Variants in TMC3 observed in about 807,000 individuals in gnomAD.
TMC3 encodes transmembrane channel like 3, also known as transmembrane channel-like protein 3.
Under a neutral mutation model 110.6 loss-of-function variants are expected in TMC3, and 98 were observed. That is an observed-to-expected ratio of 0.89 (90% confidence interval 0.75 to 1.05). The LOEUF is 1.05. TMC3 is among the 50% of genes least tolerant of loss of function. The probability of loss-of-function intolerance (pLI) is 0.00; values close to 1 mark genes in which losing one functional copy is unlikely to be tolerated. For synonymous variants in TMC3, 489 were observed against 513.1 expected, an observed-to-expected ratio of 0.95 and a Z score of 0.63; for missense variants, 1,319 against 1,373.2, an observed-to-expected ratio of 0.96 and a Z score of 0.62.
rs1313052452 is a variant in TMC3, at chr15:81,368,137, G to A, written c.312+116C>T. The A allele has an allele frequency of 4.1e-6, 3 of 726,610 alleles. No individual in the cohort carries two copies. The East Asian group carries it at 8.6e-5, about 21-fold the overall frequency. The allele number at this position is 726,610 out of a possible 1,614,324, so 45.0% of individuals were successfully genotyped here. A position where few individuals can be genotyped will look rare whatever the true frequency, so the allele number is the denominator to read the frequency against. ...TTTAGTAGAGATGGGGTTTCACCGT[G>A]TTAGCCAGGATGGTCTTGATCTTCT... On this transcript the variant is annotated intron_variant, in intron 3 of 21. Transcript: ENST00000359440.
chr15:81,365,976 TATAC>T (rs1019908750), intron 3 of TMC3, among the ~76,000 whole-genome samples: 11 of 152,330 alleles, frequency 7.2e-5, no homozygotes, highest in South Asian at 2.1e-4. Flanking sequence ...CACATATCAT[TATAC>T]ATACATATGT....
chr15:81,341,821 C>G, intron 15 of TMC3: 1 of 194,706 alleles, frequency 5.1e-6, no homozygotes, highest in South Asian at 1.2e-4. Context: ...TAATGGATAA[C>G]TACTATTTGG....
intron 7 of TMC3, among the ~76,000 whole-genome samples, 168 bp downstream of exon 7, chr15:81,357,981 G>T (rs1302811399): frequency 6.6e-6 from 1 of 152,020 alleles, no homozygotes; most frequent in African/African-American, 2.4e-5. Flanking sequence ...AACTTTACAG[G>T]GCTATTGACA....
chr15:81,345,012 C>T lies in TMC3; in HGVS notation c.1273-1G>A. The T allele has an allele frequency of 1.3e-6, 2 of 1,564,452 alleles. No homozygotes were observed. The highest frequency in any genetic ancestry group is 8.7e-7 in the Non-Finnish European group (1 of 1,153,850). On this transcript the variant is annotated splice_acceptor_variant, in intron 12 of 21. Transcript: ENST00000359440. LOFTEE classifies it high-confidence loss of function. ...TTGTGTTATTTTTGGTAGCCATTTC[C>T]TGGGGAGAGAGAGAGAGAGAGAGAG... is the stretch of plus-strand genomic sequence containing the variant.
chr15:81,336,798 T>C (rs1031311989), intron 19 of TMC3, 147 bp from the exon 20 acceptor site: 2 of 805,828 alleles, frequency 2.5e-6, no homozygotes, highest in African/African-American at 3.4e-5. Flanking sequence ...ATGGACGGTA[T>C]GCTCTGGGCT....
chr15:81,341,189 A>ATT lies in TMC3; in HGVS notation c.1844+200_1844+201insAA, dbSNP rs1448519852. ...GGCAAAACGTTTTAAAAGTGTCATG[A>ATT]GTTCAAGAGGAGTAATGATTCATTG... On this transcript the variant is annotated intron_variant, in intron 16 of 21. Coordinates refer to ENST00000359440, the MANE Select transcript of TMC3 (RefSeq NM_001080532.3). 5.3e-5 allele frequency among the ~76,000 whole-genome samples: 8 copies of ATT among 152,362 alleles called. No homozygotes were observed. In the East Asian group the frequency reaches 1.5e-3, roughly 29 times the overall value.
chr15:81,355,278 C>G (rs1419984969), intron 9 of TMC3, among the ~76,000 whole-genome samples: 1 of 152,162 alleles, frequency 6.6e-6, no homozygotes, highest in Non-Finnish European at 1.5e-5. Context: ...TTCATTAGTT[C>G]TCTGTTTGAA....
rs200306951 is a variant in TMC3, at chr15:81,334,795, G to A, written c.2384C>T (p.Pro795Leu). 836 of 1,613,980 alleles carry A rather than the reference G, an allele frequency of 5.2e-4. 1 individual carries two copies. The highest frequency in any genetic ancestry group is 5.5e-4 in the Non-Finnish European group (644 of 1,179,878). ...GCTAGGAGCCCTGTCCCCTGGCCTC[G>A]GGCTCTGGGGCATGGACTGTGCGAC... Reference protein sequence around the residue: ...ETVAQSMPQSPRPGDRAPSSP... With the variant: ...ETVAQSMPQSLRPGDRAPSSP... Residue 795 changes from proline to leucine, a missense_variant, in exon 21 of 22, where the codon CCG (proline) becomes CTG (leucine). By Grantham distance (98) the Pro-to-Leu change is moderately conservative. Coordinates refer to ENST00000359440, the MANE Select transcript of TMC3 (RefSeq NM_001080532.3).
intron 21 of TMC3, 89 bp from the exon 22 acceptor site, chr15:81,333,351 G>T: frequency 6.6e-7 from 1 of 1,507,258 alleles, no homozygotes; most frequent in South Asian, 1.3e-5. Flanking sequence ...AGTTCTCTGA[G>T]CATTTTCACT....
rs143923036 is a variant in TMC3 at position 81,336,484 on chromosome 15, C to T, written c.2203+125G>A. ...TCAGGAGGCTGAGGCAGGAGAATCACTTGAACCGGGAAGGTGGAGGTTGCA... is the reference window on the plus strand; with the variant it reads ...TCAGGAGGCTGAGGCAGGAGAATCATTTGAACCGGGAAGGTGGAGGTTGCA... On this transcript the variant is annotated intron_variant, in intron 20 of 21. Coordinates refer to ENST00000359440, the MANE Select transcript of TMC3 (RefSeq NM_001080532.3). 1,748 of 864,754 alleles carry T rather than the reference C, an allele frequency of 2.0e-3. 29 individuals carry two copies. The African/African-American group carries it at 0.025, about 13-fold the overall frequency. The allele number at this position is 864,754 out of a possible 1,614,324, so 53.6% of individuals were successfully genotyped here.
intron 18 of TMC3, among the ~76,000 whole-genome samples, chr15:81,338,391 G>T (rs1041232167): frequency 1.3e-4 from 20 of 152,120 alleles, no homozygotes; most frequent in African/African-American, 4.8e-4. Flanking sequence ...TTGACCAAAT[G>T]GTGTTGATGG....
chr15:81,337,799 A>G (rs565430245), intron 19 of TMC3, 47 bp downstream of exon 19: 3 of 1,494,592 alleles, frequency 2.0e-6, no homozygotes, highest in Admixed American at 1.7e-5. Context: ...GATCTCAGTC[A>G]TGTGGTTGAC....
intron 3 of TMC3, among the ~76,000 whole-genome samples, chr15:81,364,732 T>C (rs974892879): frequency 1.4e-5 from 2 of 144,804 alleles, no homozygotes; most frequent in African/African-American, 5.1e-5. Flanking sequence ...AAAACTGTAA[T>C]AAAAAAAAAA....
In TMC3 at chr15:81,349,490, G is replaced by A. The variant is rs1309164654; in HGVS notation, c.1161C>T (p.His387=). 6.4e-7 allele frequency: 1 copy of A among 1,555,780 alleles called. No homozygotes were observed. Among genetic ancestry groups the A allele is most frequent in the Non-Finnish European group, 8.7e-7 (1 of 1,150,154 alleles). Residue 387 remains histidine (H), a synonymous_variant, in exon 11 of 22, where the codon CAC becomes CAT. Transcript: ENST00000359440. ...GCTGGAAGCGCAGCGTGGTCCTGGG[G>A]TGGTACATCTCTAAGGCAGCAATGA... ...FDLIAALEMY[H]PRTTLRFQLA...
In TMC3 at chr15:81,332,041, T is replaced by C; in HGVS notation, c.*378A>G. 5.5e-6 allele frequency: 1 copy of C among 181,854 alleles called. No homozygotes were observed. The highest frequency in any genetic ancestry group is 1.5e-4 in the South Asian group (1 of 6,460). 11.3% of individuals were successfully genotyped at this position (181,854 alleles called of 1,614,324 possible). A position where few individuals can be genotyped will look rare whatever the true frequency, so the allele number is the denominator to read the frequency against. On this transcript the variant is annotated 3_prime_UTR_variant, in exon 22 of 22. Transcript: ENST00000359440. Reference sequence around the variant, plus strand: ...TCTACTAAGTATGTTTTACGTTCTTTCATTCCTGCTTTAAAGCTTTTCAGT... The same window carrying C: ...TCTACTAAGTATGTTTTACGTTCTTCCATTCCTGCTTTAAAGCTTTTCAGT...
intron 11 of TMC3, among the ~76,000 whole-genome samples, chr15:81,348,349 C>T (rs1567064383): frequency 1.3e-5 from 2 of 152,234 alleles, no homozygotes; most frequent in African/African-American, 4.8e-5. Flanking sequence ...AAGCAGGGCT[C>T]TCACTGCCTC....
rs375220248 is a variant in TMC3 at position 81,362,967 on chromosome 15, T to C, written c.313-666A>G. ...AGGGATAAGGTCTAAAAATTTGTCT[T>C]GTATTTTTGGCCAGGCGCGGTGGCT... On this transcript the variant is annotated intron_variant, in intron 3 of 21. Transcript: ENST00000359440. Among the ~76,000 whole-genome samples, 401 of 152,274 alleles carry C rather than the reference T, an allele frequency of 2.6e-3. 5 individuals are homozygous for C. In the South Asian group the frequency reaches 0.041, roughly 16 times the overall value.
chr15:81,369,983 T>A (rs550371038), intron 2 of TMC3, among the ~76,000 whole-genome samples: 1 of 152,220 alleles, frequency 6.6e-6, no homozygotes, highest in African/African-American at 2.4e-5. Flanking sequence ...GTTCACTACC[T>A]AATAGGGATG....
Position 81,341,412 on chromosome 15 carries a change from G to T in TMC3, c.1822C>A (p.Gln608Lys). 6.2e-7 allele frequency: 1 copy of T among 1,611,552 alleles called. No individual in the cohort carries two copies. The highest frequency in any genetic ancestry group is 1.1e-5 in the South Asian group (1 of 90,502). ...WAVLTCNVPH[Q>K]QVFRASRSNN... ...CACCTTGAGGCTCGAAATACTTGCT[G>T]GTGGGGCACATTGCAGGTCAGCACA... is the stretch of plus-strand genomic sequence containing the variant. Residue 608 changes from glutamine to lysine, a missense_variant, in exon 16 of 22, where the codon CAG (glutamine) becomes AAG (lysine). By Grantham distance (53) the Gln-to-Lys change is moderately conservative. Transcript: ENST00000359440.
Sources: allele counts gnomAD v4.1 joint callset (sites outside exome capture counted in the v4.1 genomes callset), GRCh38; gene constraint gnomAD v4.1.1; transcripts MANE v1.5; gene names NCBI Gene and HGNC (gene_info 2026-07-23, HGNC 2026-07-21).